The following SPAG17 variants were observed in gnomAD, a reference collection of about 807,000 sequenced individuals.
SPAG17 encodes sperm-associated antigen 17.
Under a neutral mutation model 273.6 loss-of-function variants are expected in SPAG17, and 169 were observed. The ratio of observed to expected loss-of-function variants is 0.62; its 90% CI spans 0.55 to 0.70. The LOEUF (loss-of-function observed/expected upper bound fraction) is 0.70, where lower values mean the gene tolerates loss of function less well. Ranked by LOEUF, SPAG17 falls within the 30% of genes least tolerant of loss-of-function variation. SPAG17 has a pLI of 0.00. For missense variants in SPAG17, 2,557 were observed against 2,627.8 expected (o/e 0.97, Z 0.59); for synonymous variants, 825 against 873.2 (o/e 0.94, Z 0.97).
At chr1:117,999,588 C>T (rs1302364137) in intron 32 of SPAG17, among the ~76,000 whole-genome samples, 2 of 152,194 alleles carry the variant, frequency 1.3e-5, no homozygotes, top group African/African-American at 4.8e-5. Flanking sequence ...TGATGATGAG[C>T]ATTTTTTCAT....
chr1:118,091,987 C>G lies in SPAG17; in HGVS notation c.1189G>C (p.Val397Leu), dbSNP rs1275113374. 1.2e-6 allele frequency: 2 copies of G among 1,613,416 alleles called. No individual in the cohort carries two copies. The highest frequency in any genetic ancestry group is 1.7e-6 in the Non-Finnish European group (2 of 1,179,582). ...MPTSEAPQPA[V>L]PAPGKKKAQY... ...GCTTTCTTCTTTCCAGGAGCTGGTA[C>G]AGCAGGTTGTGGAGCCTAGAAAAAG... Residue 397 changes from valine to leucine, a missense_variant, in exon 9 of 49, where the codon GTA (valine) becomes CTA (leucine). Physicochemically the swap from Val to Leu is conservative, Grantham distance 32 (BLOSUM62 1). Coordinates refer to ENST00000336338, the MANE Select transcript of SPAG17 (RefSeq NM_206996.4).
intron 28 of SPAG17, among the ~76,000 whole-genome samples, chr1:118,021,372 AG>A (rs1660482870): frequency 6.6e-6 from 1 of 152,084 alleles, no homozygotes; most frequent in Non-Finnish European, 1.5e-5. Flanking sequence ...GACAATAAAA[AG>A]GTCAGTGGTT....
chr1:118,073,342 T>C (rs1288814002), intron 17 of SPAG17, among the ~76,000 whole-genome samples: 2 of 152,200 alleles, frequency 1.3e-5, no homozygotes, highest in African/African-American at 4.8e-5. Context: ...ACATAGTTTC[T>C]ACTTCACAGG....
Position 118,042,021 on chromosome 1 carries a change from G to A in SPAG17, c.2836C>T (p.Arg946Ter), listed in dbSNP as rs201253941. Residue 946 changes from arginine to a stop codon, truncating the protein, a stop_gained, in exon 21 of 49, where the codon CGA (arginine) becomes TGA (stop). Coordinates refer to ENST00000336338, the MANE Select transcript of SPAG17 (RefSeq NM_206996.4). LOFTEE classifies it high-confidence loss of function. ...CTTAAGCGCTCCTCTTCTGCTAATC[G>A]ATGTTGCTCTTCTTTCCATGCCTGT... ...SLKAWKEEQH[R>*]LAEEERLREE... The A allele has an allele frequency of 2.1e-5, 34 of 1,611,768 alleles. No homozygotes were observed. Among genetic ancestry groups the A allele is most frequent in the Non-Finnish European group, 2.3e-5 (27 of 1,179,518 alleles).
intron 43 of SPAG17, among the ~76,000 whole-genome samples, chr1:117,974,324 C>T (rs1172409190): frequency 1.3e-5 from 2 of 151,960 alleles, no homozygotes; most frequent in African/African-American, 4.8e-5. Context: ...TAATACTGGT[C>T]CTCACAACAA....
chr1:117,954,008 C>T lies in SPAG17; in HGVS notation c.*42G>A, dbSNP rs534211169. The T allele has an allele frequency of 6.2e-7, 1 of 1,607,884 alleles. No homozygotes were observed. The highest frequency in any genetic ancestry group is 1.1e-5 in the South Asian group (1 of 90,678). On this transcript the variant is annotated 3_prime_UTR_variant, in exon 49 of 49. Coordinates refer to ENST00000336338, the MANE Select transcript of SPAG17 (RefSeq NM_206996.4). ...TCTTTCCTTTCTCATCCTCTGTAGG[C>T]TGAGAGGATTATGGAGGCTATTGAG...
chr1:118,171,188 C>A (rs1236640451), intron 1 of SPAG17, among the ~76,000 whole-genome samples: 1 of 152,062 alleles, frequency 6.6e-6, no homozygotes, highest in Non-Finnish European at 1.5e-5. Context: ...GGGGAAAGAT[C>A]ATGGTCAATG....
intron 3 of SPAG17, among the ~76,000 whole-genome samples, chr1:118,121,893 T>A (rs1010761051): frequency 2.6e-5 from 4 of 152,232 alleles, no homozygotes; most frequent in South Asian, 4.1e-4. Context: ...ATTGGCATTT[T>A]AAAAAGAATA....
intron 24 of SPAG17, among the ~76,000 whole-genome samples, chr1:118,035,328 C>T (rs1648959039): frequency 6.6e-6 from 1 of 152,096 alleles, no homozygotes; most frequent in African/African-American, 2.4e-5. Context: ...AATAAAATCA[C>T]TCAGGAGTAG....
intron 48 of SPAG17, chr1:117,963,167 T>A (rs1653330197): frequency 6.6e-6 from 1 of 152,216 alleles, no homozygotes; most frequent in African/African-American, 2.4e-5. Context: ...GGCCTGGCAG[T>A]GTTGCCCTTG....
chr1:118,126,985 C>A (rs1419038114), intron 3 of SPAG17, among the ~76,000 whole-genome samples: 1 of 152,118 alleles, frequency 6.6e-6, no homozygotes, highest in Non-Finnish European at 1.5e-5. Context: ...TGTCAAAAAT[C>A]AGTTGACTGT....
rs34125128 is a variant in SPAG17 at position 118,122,153 on chromosome 1, C to CTGTG, written c.316-6716_316-6713dup. On this transcript the variant is annotated intron_variant, in intron 3 of 48. Transcript: ENST00000336338. ...ATTGCCCCAATGTGTGTCTGTGTGT[C>CTGTG]TGTGTGTGTGTGTGTGTGTGTGTGT... is the stretch of plus-strand genomic sequence containing the variant. Among the ~76,000 whole-genome samples, 964 of 149,252 alleles carry CTGTG rather than the reference C, an allele frequency of 6.5e-3. 8 individuals carry two copies. Among genetic ancestry groups the CTGTG allele is most frequent in the African/African-American group, 0.022 (904 of 40,738 alleles).
intron 20 of SPAG17, among the ~76,000 whole-genome samples, chr1:118,043,752 T>C (rs1650034407): frequency 6.6e-6 from 1 of 152,220 alleles, no homozygotes; most frequent in Non-Finnish European, 1.5e-5. Context: ...TAATGCAGAC[T>C]AGCTGTTATA....
At position 118,041,886 on chromosome 1, in the gene SPAG17, C is replaced by T. The variant is rs772886823; in HGVS notation, c.2971G>A (p.Glu991Lys). Residue 991 changes from glutamate (E) to lysine (K), a missense_variant, in exon 21 of 49, where the codon GAG becomes AAG. By Grantham distance (56) the Glu-to-Lys change is moderately conservative. Transcript: ENST00000336338. ...TTGACTTGTTCTTCTTTAGATTTCTCCTTGTAAGGTGATTTTTTCTTCAAA... is the reference window on the plus strand; with the variant it reads ...TTGACTTGTTCTTCTTTAGATTTCTTCTTGTAAGGTGATTTTTTCTTCAAA... ...RSLKKKSPYKEKSKEEQVKIQ... is the reference protein window; with the variant it reads ...RSLKKKSPYKKKSKEEQVKIQ... 6.2e-7 allele frequency: 1 copy of T among 1,613,826 alleles called. No individual in the cohort carries two copies. Among genetic ancestry groups the T allele is most frequent in the Non-Finnish European group, 8.5e-7 (1 of 1,179,826 alleles).
In SPAG17 at chr1:118,045,366, C is replaced by A. The variant is rs570406049; in HGVS notation, c.2815-3324G>T. Among the ~76,000 whole-genome samples the A allele has an allele frequency of 1.2e-3, 184 of 152,176 alleles. 2 individuals are homozygous for A. The highest frequency in any genetic ancestry group is 3.8e-4 in the Non-Finnish European group (26 of 68,028). On this transcript the variant is annotated intron_variant, in intron 20 of 48. Coordinates refer to ENST00000336338, the MANE Select transcript of SPAG17 (RefSeq NM_206996.4). Reference sequence around the variant, plus strand: ...TTGAGTTAATAATCTATCACGCCCACATAACGAAACCTCCGTAAAAACCTC... The same window carrying A: ...TTGAGTTAATAATCTATCACGCCCAAATAACGAAACCTCCGTAAAAACCTC...
chr1:117,994,781 C>A (rs1297772224), intron 34 of SPAG17, among the ~76,000 whole-genome samples: 6 of 152,056 alleles, frequency 3.9e-5, no homozygotes, highest in African/African-American at 1.4e-4. Flanking sequence ...CCCTCACCAA[C>A]CACATACAAG....
At chr1:118,005,725 GA>G (rs1658810096) in intron 31 of SPAG17, 123 bp from the exon 32 acceptor site, 1 of 664,594 alleles carries the variant, frequency 1.5e-6, no homozygotes, top group Non-Finnish European at 2.2e-6. Context: ...TTTGCAGGAG[GA>G]AAACATTAAT....
chr1:117,991,006 T>C, intron 37 of SPAG17, 100 bp from the exon 38 acceptor site: 1 of 612,380 alleles, frequency 1.6e-6, no homozygotes, highest in East Asian at 3.1e-5. Flanking sequence ...AAAACTACTA[T>C]AAAATGAATT....
chr1:118,163,222 T>C (rs1281985233), intron 1 of SPAG17, among the ~76,000 whole-genome samples: 1 of 152,250 alleles, frequency 6.6e-6, no homozygotes, highest in Non-Finnish European at 1.5e-5. Flanking sequence ...ACCAACAGTT[T>C]AGTAGAGGAA....
Sources: gnomAD v4.1 joint callset for allele counts (sites outside exome capture counted in the v4.1 genomes callset) on GRCh38, gnomAD v4.1.1 for gene constraint, MANE v1.5 for transcripts, NCBI Gene and HGNC (gene_info 2026-07-23, HGNC 2026-07-21) for gene names.